Variants in EIF4B observed in about 807,000 individuals in gnomAD.
EIF4B encodes the protein eukaryotic translation initiation factor 4B.
A neutral mutation model predicts 79.3 loss-of-function variants in EIF4B; 8 were observed. The observed-to-expected ratio is 0.10, with a 90% CI of 0.06 to 0.18. The LOEUF (loss-of-function observed/expected upper bound fraction) is 0.18. Ranked by LOEUF, EIF4B falls within the 10% of genes least tolerant of loss-of-function variation. The pLI is 1.00. For synonymous variants in EIF4B, 238 were observed against 274.7 expected (o/e 0.87, Z 1.32); for missense variants, 515 against 792.4 (o/e 0.65, Z 4.20).
chr12:53,016,373 A>G (rs1943148753), intron 1 of EIF4B, 100 bp from the exon 2 acceptor site: 2 of 1,477,210 alleles, frequency 1.4e-6, no homozygotes, highest in East Asian at 2.4e-5. Flanking sequence ...AGGAGCGTCC[A>G]TGTTATTTCT....
rs371253854 is a variant in EIF4B, at chr12:53,028,262, G to A, written c.979+74G>A. ...TACGGAAAATTTGTGATTGTGTTAC[G>A]AACTACTGAGTTGGGCACAAATATA... On this transcript the variant is annotated intron_variant, in intron 8 of 14. Transcript: ENST00000262056. 8 of 1,504,526 alleles carry A rather than the reference G, an allele frequency of 5.3e-6. No homozygotes were observed. The South Asian group carries it at 5.4e-5, about 10-fold the overall frequency. The allele number at this position is 1,504,526 out of a possible 1,614,324, so 93.2% of individuals were successfully genotyped here. A position where few individuals can be genotyped will look rare whatever the true frequency, so the allele number is the denominator to read the frequency against.
At chr12:53,015,283 A>T (rs951841159) in intron 1 of EIF4B, among the ~76,000 whole-genome samples, 1 of 152,178 alleles carries the variant, frequency 6.6e-6, no homozygotes, top group Non-Finnish European at 1.5e-5. Flanking sequence ...GTATGAAAAA[A>T]ACTTAGGTTT....
intron 12 of EIF4B, 123 bp downstream of exon 12, chr12:53,038,534 GC>G: frequency 1.1e-6 from 1 of 892,912 alleles, no homozygotes; most frequent in Non-Finnish European, 1.6e-6. Context: ...TCTTGGGTTG[GC>G]CAGGCGCAGG....
chr12:53,031,658 AG>A lies in EIF4B; in HGVS notation c.980-2147del, dbSNP rs148200414. Among the ~76,000 whole-genome samples the A allele has an allele frequency of 1.8e-3, 273 of 152,392 alleles. 1 individual carries two copies. Among genetic ancestry groups the A allele is most frequent in the African/African-American group, 6.3e-3 (262 of 41,598 alleles). On this transcript the variant is annotated intron_variant, in intron 8 of 14. Transcript: ENST00000262056. Reference sequence around the variant, plus strand: ...TACAAAAGTGACGGGGCTATAACACAGATTTAAAATATGTTTAGGAACATAT... The same window carrying A: ...TACAAAAGTGACGGGGCTATAACACAATTTAAAATATGTTTAGGAACATAT...
chr12:53,015,597 A>G (rs889085029), intron 1 of EIF4B, among the ~76,000 whole-genome samples: 1 of 151,786 alleles, frequency 6.6e-6, no homozygotes, highest in East Asian at 1.9e-4. Context: ...GGAGGATCAC[A>G]TGAGCATGGG....
At chr12:53,024,797 A>G (rs941631240) in intron 6 of EIF4B, among the ~76,000 whole-genome samples, 1 of 152,114 alleles carries the variant, frequency 6.6e-6, no homozygotes, top group Non-Finnish European at 1.5e-5. Context: ...CTGGGATTAC[A>G]GATGCGCACC....
chr12:53,019,793 G>A (rs1036304502), intron 3 of EIF4B, 117 bp from the exon 4 acceptor site: 18 of 872,924 alleles, frequency 2.1e-5, no homozygotes, highest in African/African-American at 3.5e-5. Flanking sequence ...AGACAACCAT[G>A]TTCTTGTGTA....
At chr12:53,023,073 G>T (rs1323041246) in intron 6 of EIF4B, among the ~76,000 whole-genome samples, 1 of 152,008 alleles carries the variant, frequency 6.6e-6, no homozygotes. Context: ...GAGGCAAGAG[G>T]ACTCCTTGAG....
chr12:53,038,523 T>G, intron 12 of EIF4B, 112 bp downstream of exon 12: 1 of 1,109,266 alleles, frequency 9.0e-7, no homozygotes, highest in East Asian at 3.0e-5. Flanking sequence ...GTGTTAAGAG[T>G]TCTTGGGTTG....
At chr12:53,030,976 T>C (rs955815492) in intron 8 of EIF4B, among the ~76,000 whole-genome samples, 1 of 152,078 alleles carries the variant, frequency 6.6e-6, no homozygotes, top group African/African-American at 2.4e-5. Context: ...TACCTAATTT[T>C]TTATTTCTCT....
chr12:53,023,019 T>C (rs1046082260), intron 6 of EIF4B, among the ~76,000 whole-genome samples: 2 of 151,912 alleles, frequency 1.3e-5, no homozygotes, highest in African/African-American at 4.8e-5. Context: ...AAGAAAAAGC[T>C]GACGTGGTGG....
chr12:53,029,783 C>G (rs1265387419), intron 8 of EIF4B, among the ~76,000 whole-genome samples: 1 of 152,130 alleles, frequency 6.6e-6, no homozygotes, highest in Admixed American at 6.6e-5. Context: ...ATCTGGACAA[C>G]TAATAAAACA....
chr12:53,038,158 T>C (rs1194648755), intron 11 of EIF4B, 198 bp from the exon 12 acceptor site: 4 of 436,362 alleles, frequency 9.2e-6, no homozygotes, highest in Non-Finnish European at 1.6e-5. Flanking sequence ...CATGATGTGA[T>C]GATTAGAAAG....
chr12:53,038,429 G>A lies in EIF4B; in HGVS notation c.1576+18G>A, dbSNP rs1308223768. The A allele has an allele frequency of 6.4e-7, 1 of 1,567,884 alleles. No homozygotes were observed. Among genetic ancestry groups the A allele is most frequent in the Admixed American group, 2.0e-5 (1 of 50,572 alleles). On this transcript the variant is annotated intron_variant, in intron 12 of 14. Transcript: ENST00000262056. ...AAGGAAAGGTGAGCTCATAGTATGG[G>A]AAATAGGTTTTTCACCTAGAAGCCT...
intron 1 of EIF4B, among the ~76,000 whole-genome samples, chr12:53,015,926 C>T (rs1385733058): frequency 7.3e-5 from 11 of 149,876 alleles, no homozygotes; most frequent in Non-Finnish European, 1.3e-4. Flanking sequence ...TGCAGTGAGC[C>T]GAGATGGCAC....
intron 1 of EIF4B, chr12:53,012,407 A>C (rs758128487): frequency 3.3e-5 from 5 of 151,824 alleles, no homozygotes; most frequent in Non-Finnish European, 5.9e-5. Flanking sequence ...ATACAAAATT[A>C]GCCAGGTGTG....
intron 9 of EIF4B, 90 bp downstream of exon 9, chr12:53,034,124 CG>C: frequency 7.6e-7 from 1 of 1,317,144 alleles, no homozygotes; most frequent in Non-Finnish European, 1.0e-6. Context: ...AAATTTGTGT[CG>C]TTATCACATT....
intron 3 of EIF4B, among the ~76,000 whole-genome samples, chr12:53,019,434 T>TTTTTTTTTTTC (rs1943203937): frequency 2.3e-5 from 2 of 86,268 alleles, no homozygotes; most frequent in African/African-American, 4.2e-5. Flanking sequence ...TATATATATA[T>TTTTTTTTTTTC]ATATTTTTTT....
intron 1 of EIF4B, among the ~76,000 whole-genome samples, chr12:53,007,037 G>C (rs1942976274): frequency 6.6e-6 from 1 of 152,138 alleles, no homozygotes; most frequent in South Asian, 2.1e-4. Context: ...GAGACACGAG[G>C]GTAGTAGAGA....
Sources: allele counts gnomAD v4.1 joint callset (sites outside exome capture counted in the v4.1 genomes callset), GRCh38; gene constraint gnomAD v4.1.1; transcripts MANE v1.5; gene names NCBI Gene and HGNC (gene_info 2026-07-23, HGNC 2026-07-21).